ZNF644: variants seen among roughly 807,000 people sequenced by gnomAD.
The protein encoded by ZNF644 is zinc finger protein 644.
In ZNF644, 20 loss-of-function variants were observed where a neutral mutation model predicts 108.0. That is an observed-to-expected ratio of 0.19 (90% CI 0.13 to 0.27). ZNF644 has a LOEUF of 0.27. ZNF644 is among the 10% of genes least tolerant of loss of function. The pLI is 1.00. For synonymous variants in ZNF644, 542 were observed against 539.1 expected (o/e 1.01, Z -0.08); for missense variants, 1,338 against 1,548.9 (o/e 0.86, Z 2.29).
At chr1:90,947,020 T>C (rs755146003) in intron 2 of ZNF644, among the ~76,000 whole-genome samples, 1 of 152,080 alleles carries the variant, frequency 6.6e-6, no homozygotes, top group East Asian at 1.9e-4. Flanking sequence ...CAGGTAACTG[T>C]GTGGATGAAG....
At chr1:90,951,890 TG>T (rs1348222173) in intron 2 of ZNF644, among the ~76,000 whole-genome samples, 2 of 152,158 alleles carry the variant, frequency 1.3e-5, no homozygotes, top group Non-Finnish European at 2.9e-5. Flanking sequence ...TAAAAACCTT[TG>T]GGGAACCAAA....
intron 4 of ZNF644, among the ~76,000 whole-genome samples, chr1:90,936,031 C>A (rs115923918): frequency 0.01 from 1,557 of 152,214 alleles, 11 homozygotes; most frequent in South Asian, 0.018. Flanking sequence ...GTAAAACACA[C>A]CACTGAACAG....
intron 1 of ZNF644, among the ~76,000 whole-genome samples, chr1:90,984,544 T>C (rs1427701248): frequency 7.9e-5 from 12 of 151,930 alleles, no homozygotes; most frequent in Admixed American, 7.9e-4. Flanking sequence ...CACACCACCA[T>C]GCCTGGCTAA....
chr1:90,969,086 T>C (rs147012205), intron 2 of ZNF644, among the ~76,000 whole-genome samples: 275 of 152,310 alleles, frequency 1.8e-3, no homozygotes, highest in African/African-American at 6.3e-3. Context: ...TTAAATGCAA[T>C]GTTACAGATT....
intron 2 of ZNF644, among the ~76,000 whole-genome samples, chr1:90,951,801 G>A (rs1303091613): frequency 6.6e-6 from 1 of 152,144 alleles, no homozygotes; most frequent in Non-Finnish European, 1.5e-5. Context: ...AGATTTCTAT[G>A]TACCTTGCTA....
chr1:90,989,473 G>A (rs966024959), intron 1 of ZNF644, among the ~76,000 whole-genome samples: 3 of 152,138 alleles, frequency 2.0e-5, no homozygotes, highest in African/African-American at 7.2e-5. Context: ...AACCTGGAAG[G>A]TCAAAGCTGG....
intron 2 of ZNF644, among the ~76,000 whole-genome samples, chr1:90,967,478 C>A (rs1208872559): frequency 6.6e-6 from 1 of 152,102 alleles, no homozygotes; most frequent in East Asian, 1.9e-4. Flanking sequence ...ACATAAAAAC[C>A]TTCCCTGTGA....
chr1:91,018,144 C>G (rs1660590021), intron 1 of ZNF644, among the ~76,000 whole-genome samples: 1 of 152,200 alleles, frequency 6.6e-6, no homozygotes, highest in Admixed American at 6.5e-5. Context: ...TCTGGGTCTC[C>G]TGTGATCTTC....
intron 4 of ZNF644, among the ~76,000 whole-genome samples, chr1:90,933,772 C>T (rs76447373): frequency 0.011 from 1,667 of 151,772 alleles, 36 homozygotes; most frequent in African/African-American, 0.038. Flanking sequence ...AAAAATAGAC[C>T]GCCTGTGTAA....
intron 4 of ZNF644, among the ~76,000 whole-genome samples, chr1:90,927,702 G>A (rs752573854): frequency 6.6e-6 from 1 of 152,124 alleles, no homozygotes; most frequent in African/African-American, 2.4e-5. Flanking sequence ...ATAAGTTATA[G>A]CTAAGAAATA....
intron 1 of ZNF644, among the ~76,000 whole-genome samples, chr1:90,998,152 C>A (rs1658366563): frequency 6.6e-6 from 1 of 152,338 alleles, no homozygotes; most frequent in South Asian, 2.1e-4. Flanking sequence ...GCAGCAGAAA[C>A]CTCCACAGAC....
chr1:90,969,274 G>T (rs1655229932), intron 2 of ZNF644, among the ~76,000 whole-genome samples: 1 of 152,136 alleles, frequency 6.6e-6, no homozygotes, highest in Non-Finnish European at 1.5e-5. Flanking sequence ...ACACGGAGAA[G>T]ACAGCCATCT....
At chr1:91,010,583 A>C in intron 1 of ZNF644, among the ~76,000 whole-genome samples, 1 of 151,742 alleles carries the variant, frequency 6.6e-6, no homozygotes, top group East Asian at 1.9e-4. Context: ...CAACCTATAC[A>C]CACCACTTCT....
At chr1:90,980,929 CCT>C (rs1656486411) in intron 2 of ZNF644, among the ~76,000 whole-genome samples, 1 of 151,934 alleles carries the variant, frequency 6.6e-6, no homozygotes, top group Admixed American at 6.6e-5. Flanking sequence ...CAGCTCTATA[CCT>C]CAAATTTTAT....
chr1:90,999,288 G>C (rs1658505842), intron 1 of ZNF644, among the ~76,000 whole-genome samples: 1 of 152,196 alleles, frequency 6.6e-6, no homozygotes, highest in African/African-American at 2.4e-5. Flanking sequence ...AGGGCAGCCA[G>C]ACAGAAAGGT....
chr1:90,993,909 A>G (rs746591536), intron 1 of ZNF644, among the ~76,000 whole-genome samples: 13 of 152,292 alleles, frequency 8.5e-5, no homozygotes, highest in Middle Eastern at 6.8e-3. Context: ...TATTGCCTCT[A>G]TTTTTACTAA....
chr1:90,919,284 C>A (rs1649154449), intron 4 of ZNF644, among the ~76,000 whole-genome samples: 1 of 151,990 alleles, frequency 6.6e-6, no homozygotes, highest in Admixed American at 6.6e-5. Flanking sequence ...AGAAGAGTTA[C>A]CCAAATGGCT....
Position 90,982,325 on chromosome 1 carries a change from T to C in ZNF644, c.29A>G (p.Asn10Ser). MRSFLQQDVNKTKSRLNVLN... is the reference protein window; with the variant it reads MRSFLQQDVSKTKSRLNVLN... Reference sequence around the variant, plus strand: ...TTCTACTTACCTAGATTTTGTCTTATTAACATCTTGCTGCAAGAACGATCT... The same window carrying C: ...TTCTACTTACCTAGATTTTGTCTTACTAACATCTTGCTGCAAGAACGATCT... The change falls in exon 2 of 6, where the codon AAT becomes AGT. Residue 10 changes from asparagine (N) to serine (S), a missense_variant. By Grantham distance (46) the Asn-to-Ser change is conservative (BLOSUM62 1). Transcript: ENST00000337393. 6.2e-7 allele frequency: 1 copy of C among 1,610,608 alleles called. No homozygotes were observed. The highest frequency in any genetic ancestry group is 1.3e-5 in the African/African-American group (1 of 75,016).
At chr1:91,000,735 T>A (rs1471361611) in intron 1 of ZNF644, among the ~76,000 whole-genome samples, 1 of 152,008 alleles carries the variant, frequency 6.6e-6, no homozygotes, top group East Asian at 1.9e-4. Context: ...AAAAAATCAA[T>A]GAATCCAGGA....
Sources: allele counts gnomAD v4.1 joint callset (sites outside exome capture counted in the v4.1 genomes callset), GRCh38; gene constraint gnomAD v4.1.1; transcripts MANE v1.5; gene names NCBI Gene and HGNC (gene_info 2026-07-23, HGNC 2026-07-21).